The following GRHL2 variants were observed in gnomAD, a reference collection of about 807,000 sequenced individuals.
The protein encoded by GRHL2 is grainyhead-like protein 2 homolog.
In GRHL2, 21 loss-of-function variants were observed where a neutral mutation model predicts 83.8. The observed-to-expected ratio is 0.25, with a 90% CI of 0.18 to 0.36. GRHL2 has a LOEUF of 0.36. Ranked by LOEUF, GRHL2 falls within the 10% of genes least tolerant of loss-of-function variation. The probability of loss-of-function intolerance (pLI) is 1.00; values close to 1 mark genes in which losing one functional copy is unlikely to be tolerated. For missense variants in GRHL2, 623 were observed against 781.8 expected, an observed-to-expected ratio of 0.80 and a Z score of 2.42; for synonymous variants, 280 against 278.9, an observed-to-expected ratio of 1.00 and a Z score of -0.04.
At chr8:101,585,133 G>A (rs1197032744) in intron 7 of GRHL2, among the ~76,000 whole-genome samples, 8 of 152,194 alleles carry the variant, frequency 5.3e-5, no homozygotes, top group African/African-American at 1.9e-4. Context: ...AAACAGGCCT[G>A]GGAGACAAGA....
At chr8:101,559,353 C>CAAAAAAAAAAAAAAAAAAAAAAA (rs34176940) in intron 4 of GRHL2, among the ~76,000 whole-genome samples, 3 of 88,966 alleles carry the variant, frequency 3.4e-5, no homozygotes, top group African/African-American at 1.2e-4. Context: ...ACTAAAAATA[C>CAAAAAAAAAAAAAAAAAAAAAAA]AAAAAAAAAA....
intron 14 of GRHL2, among the ~76,000 whole-genome samples, chr8:101,656,903 CACAG>C (rs1357220158): frequency 6.3e-5 from 9 of 143,826 alleles, no homozygotes; most frequent in East Asian, 4.1e-4. Flanking sequence ...CACACACACA[CACAG>C]GCAATGACCG....
At chr8:101,654,980 C>T (rs1813754014) in intron 14 of GRHL2, among the ~76,000 whole-genome samples, 2 of 152,104 alleles carry the variant, frequency 1.3e-5, no homozygotes, top group East Asian at 1.9e-4. Flanking sequence ...GTCGGGAGTT[C>T]GAGAACAGCC....
rs1346671644 is a variant in GRHL2 at position 101,599,108 on chromosome 8, A to G, written c.1055A>G (p.Tyr352Cys). Reference sequence around the variant, plus strand: ...ATTGGAAACATTGAAGAGATTGCATATAATGCTGTTTCCTTTACCTGGGAC... The same window carrying G: ...ATTGGAAACATTGAAGAGATTGCATGTAATGCTGTTTCCTTTACCTGGGAC... Reference protein sequence around the residue: ...NTIGNIEEIAYNAVSFTWDVN... With the variant: ...NTIGNIEEIACNAVSFTWDVN... Residue 352 changes from tyrosine (Y) to cysteine (C), a missense_variant, in exon 8 of 16, where the codon TAT (tyrosine) becomes TGT (cysteine). Transcript: ENST00000646743. The G allele has an allele frequency of 3.1e-6, 5 of 1,613,706 alleles. No individual in the cohort carries two copies. Among genetic ancestry groups the G allele is most frequent in the South Asian group, 1.1e-5 (1 of 91,074 alleles).
intron 12 of GRHL2, among the ~76,000 whole-genome samples, chr8:101,641,042 G>A (rs1462844830): frequency 6.6e-6 from 1 of 152,064 alleles, no homozygotes; most frequent in Non-Finnish European, 1.5e-5. Context: ...TGATTCCTCT[G>A]GGGCCTACTG....
chr8:101,509,510 C>T (rs1019266108), intron 1 of GRHL2, among the ~76,000 whole-genome samples: 2 of 152,014 alleles, frequency 1.3e-5, no homozygotes, highest in African/African-American at 4.8e-5. Flanking sequence ...ACATGTAGGG[C>T]AATTAAGAAT....
downstream of GRHL2, among the ~76,000 whole-genome samples, chr8:101,674,188 G>T (rs142521272): frequency 5.3e-5 from 8 of 151,914 alleles, no homozygotes; most frequent in Non-Finnish European, 8.8e-5. Context: ...GCTAGCAGAA[G>T]GCAAGAAATA....
intron 13 of GRHL2, among the ~76,000 whole-genome samples, chr8:101,646,948 G>A (rs542542684): frequency 6.3e-4 from 96 of 152,176 alleles, no homozygotes; most frequent in Non-Finnish European, 1.2e-3. Context: ...CCTGCCTGGT[G>A]CCACTCCAAG....
In GRHL2 at chr8:101,566,382, GTTA is replaced by G. The variant is rs1811717150; in HGVS notation, c.679-3954_679-3952del. Among the ~76,000 whole-genome samples the G allele has an allele frequency of 3.3e-5, 3 of 90,876 alleles. No individual in the cohort carries two copies. The South Asian group carries it at 9.9e-4, about 30-fold the overall frequency. 59.6% of individuals were successfully genotyped at this position (90,876 alleles called of 152,430 possible). On this transcript the variant is annotated intron_variant, in intron 4 of 15. Transcript: ENST00000646743. ...TGAATGTCCCAGTTCTGTTAAAGCT[GTTA>G]TTTAACTTTGCAGCACCATTTGACA...
chr8:101,640,873 C>T (rs928858953), intron 12 of GRHL2, among the ~76,000 whole-genome samples: 13 of 152,192 alleles, frequency 8.5e-5, no homozygotes, highest in African/African-American at 3.1e-4. Flanking sequence ...TTATTTTCTC[C>T]CATGCTTCTT....
At chr8:101,652,072 A>C (rs143764152) in intron 14 of GRHL2, among the ~76,000 whole-genome samples, 1 of 152,066 alleles carries the variant, frequency 6.6e-6, no homozygotes, top group African/African-American at 2.4e-5. Context: ...TGTCAAGAAC[A>C]GTGGCTCCTG....
intron 9 of GRHL2, among the ~76,000 whole-genome samples, chr8:101,623,784 A>C (rs62640238): frequency 0.84 from 83,481 of 99,918 alleles, 36,213 homozygotes; most frequent in Non-Finnish European, 0.98. Context: ...TTCACAGTAC[A>C]CAGTATGACA....
intron 1 of GRHL2, among the ~76,000 whole-genome samples, chr8:101,504,620 AG>A (rs1810297649): frequency 1.3e-5 from 2 of 151,856 alleles, no homozygotes; most frequent in South Asian, 2.1e-4. Flanking sequence ...AACAAAAGGT[AG>A]TTGTAGGCAA....
chr8:101,652,379 T>TG (rs1563626886), intron 14 of GRHL2, among the ~76,000 whole-genome samples: 1 of 99,246 alleles, frequency 1.0e-5, no homozygotes. Context: ...GTCTGATGTG[T>TG]GTGTGGTGTG....
intron 15 of GRHL2, among the ~76,000 whole-genome samples, chr8:101,665,661 C>G (rs1363093396): frequency 6.6e-6 from 1 of 152,180 alleles, no homozygotes; most frequent in Non-Finnish European, 1.5e-5. Context: ...TTTCATCAAG[C>G]TCTGTATCAG....
chr8:101,666,646 C>T lies in GRHL2; in HGVS notation c.1821C>T (p.Phe607=), dbSNP rs767493004. 6.2e-7 allele frequency: 1 copy of T among 1,613,786 alleles called. No individual in the cohort carries two copies. Among genetic ancestry groups the T allele is most frequent in the Non-Finnish European group, 8.5e-7 (1 of 1,179,662 alleles). Residue 607 remains phenylalanine, a synonymous_variant, in exon 16 of 16, where the codon TTC becomes TTT. Transcript: ENST00000646743. The part of the protein sequence containing the change: ...IIEHYSNEDT[F]ILNMESMVEG... Reference sequence around the variant, plus strand: ...AGCACTACTCGAACGAGGACACCTTCATCCTCAACATGGAGAGCATGGTGG... The same window carrying T: ...AGCACTACTCGAACGAGGACACCTTTATCCTCAACATGGAGAGCATGGTGG...
chr8:101,513,147 G>A (rs1013720043), intron 1 of GRHL2, among the ~76,000 whole-genome samples: 16 of 152,072 alleles, frequency 1.1e-4, no homozygotes, highest in Non-Finnish European at 2.4e-4. Flanking sequence ...CCTGGGATAA[G>A]CCTTACAGGG....
chr8:101,492,892 T>A, intron 1 of GRHL2, 103 bp downstream of exon 1: 1 of 1,093,452 alleles, frequency 9.1e-7, no homozygotes, highest in Non-Finnish European at 1.4e-6. Context: ...GTTGGTATTT[T>A]TCTTTCTTTT....
chr8:101,671,167 T>G (rs1203061562), downstream of GRHL2, among the ~76,000 whole-genome samples: 4 of 152,126 alleles, frequency 2.6e-5, no homozygotes, highest in African/African-American at 4.8e-5. Flanking sequence ...TGCCAGACAG[T>G]GGGTGCAGGA....
Sources: gnomAD v4.1 joint callset for allele counts (sites outside exome capture counted in the v4.1 genomes callset) on GRCh38, gnomAD v4.1.1 for gene constraint, MANE v1.5 for transcripts, NCBI Gene and HGNC (gene_info 2026-07-23, HGNC 2026-07-21) for gene names.